The following AOAH variants were observed in gnomAD, a reference collection of about 807,000 sequenced individuals.
AOAH encodes acyloxyacyl hydrolase.
In AOAH, 64 loss-of-function variants were observed where a neutral mutation model predicts 92.2. That is an observed-to-expected ratio of 0.69 (90% CI 0.57 to 0.86). The LOEUF (loss-of-function observed/expected upper bound fraction) is 0.86, where lower values mean the gene tolerates loss of function less well. Ranked by LOEUF, AOAH falls within the 40% of genes least tolerant of loss-of-function variation. AOAH has a pLI of 0.00. For synonymous variants in AOAH, 263 were observed against 254.5 expected (o/e 1.03, Z -0.32); for missense variants, 656 against 694.6 (o/e 0.94, Z 0.62).
intron 4 of AOAH, among the ~76,000 whole-genome samples, chr7:36,648,424 T>C (rs1445754389): frequency 6.6e-6 from 1 of 152,128 alleles, no homozygotes; most frequent in African/African-American, 2.4e-5. Flanking sequence ...GACTTTTTTT[T>C]TCTTTTTGAT....
At chr7:36,639,907 TTG>T (rs1349163576) in intron 4 of AOAH, among the ~76,000 whole-genome samples, 1 of 152,186 alleles carries the variant, frequency 6.6e-6, no homozygotes, top group African/African-American at 2.4e-5. Context: ...CTGAATCCCT[TTG>T]AGAGAACCAA....
chr7:36,543,943 C>CT (rs1407764591), intron 15 of AOAH, among the ~76,000 whole-genome samples: 6,938 of 81,908 alleles, frequency 0.085, 365 homozygotes, highest in Non-Finnish European at 0.098. Flanking sequence ...TTCTTTCTTT[C>CT]TTTCTTTTTT....
intron 15 of AOAH, among the ~76,000 whole-genome samples, chr7:36,545,075 A>C (rs1310060835): frequency 3.3e-5 from 5 of 151,460 alleles, no homozygotes; most frequent in Non-Finnish European, 5.9e-5. Flanking sequence ...AAATAGAGAC[A>C]GGGTCTCGCT....
chr7:36,535,390 A>G (rs143559977), intron 16 of AOAH, among the ~76,000 whole-genome samples: 2 of 152,340 alleles, frequency 1.3e-5, no homozygotes, highest in African/African-American at 4.8e-5. Context: ...CTTAGTACCA[A>G]CAAAGATCAG....
At chr7:36,564,685 G>T (rs901106533) in intron 13 of AOAH, among the ~76,000 whole-genome samples, 6 of 152,228 alleles carry the variant, frequency 3.9e-5, no homozygotes, top group African/African-American at 1.4e-4. Flanking sequence ...CATTGCCAAT[G>T]ACATTAAAAA....
intron 1 of AOAH, among the ~76,000 whole-genome samples, chr7:36,697,075 G>A (rs1272563286): frequency 6.6e-6 from 1 of 152,026 alleles, no homozygotes; most frequent in East Asian, 1.9e-4. Flanking sequence ...TGAGTACAAT[G>A]TTGACTAGAA....
At chr7:36,607,955 G>A (rs538436191) in intron 11 of AOAH, among the ~76,000 whole-genome samples, 1 of 152,316 alleles carries the variant, frequency 6.6e-6, no homozygotes, top group Non-Finnish European at 1.5e-5. Context: ...TGCATTCTCT[G>A]CACTCCACTA....
At chr7:36,549,041 T>C (rs1786003632) in intron 14 of AOAH, among the ~76,000 whole-genome samples, 1 of 152,234 alleles carries the variant, frequency 6.6e-6, no homozygotes, top group African/African-American at 2.4e-5. Context: ...GTTCTTAGGA[T>C]AACCTGGCAG....
intron 2 of AOAH, among the ~76,000 whole-genome samples, chr7:36,682,340 C>T (rs899667711): frequency 3.0e-4 from 45 of 152,182 alleles, no homozygotes; most frequent in Middle Eastern, 3.2e-3. Flanking sequence ...GAAGAAGGAG[C>T]TCTGTGCATT....
At chr7:36,633,796 C>T (rs1197072407) in intron 5 of AOAH, among the ~76,000 whole-genome samples, 2 of 152,096 alleles carry the variant, frequency 1.3e-5, no homozygotes, top group African/African-American at 4.8e-5. Flanking sequence ...GATAAGAGAC[C>T]CCAAGGCCCT....
chr7:36,516,075 C>T lies in AOAH; in HGVS notation c.1600-2695G>A, dbSNP rs955715020. Among the ~76,000 whole-genome samples the T allele has an allele frequency of 9.5e-5, 14 of 147,456 alleles. No individual in the cohort carries two copies. Among genetic ancestry groups the T allele is most frequent in the South Asian group, 4.4e-4 (2 of 4,514 alleles). ...CACACCACACACTACACACACCACA[C>T]GCCACATACACACCATACACACACC... On this transcript the variant is annotated intron_variant, in intron 20 of 20. Transcript: ENST00000617537. The surrounding 1 kb of genome is among the most constrained non-coding windows in gnomAD (Gnocchi z 5.0).
At chr7:36,709,044 G>C (rs535102140) in intron 1 of AOAH, among the ~76,000 whole-genome samples, 1 of 152,034 alleles carries the variant, frequency 6.6e-6, no homozygotes, top group East Asian at 1.9e-4. Flanking sequence ...CACATGCATG[G>C]TTTCCCAATC....
intron 1 of AOAH, among the ~76,000 whole-genome samples, chr7:36,706,533 C>G (rs1386291470): frequency 6.6e-6 from 1 of 152,152 alleles, no homozygotes; most frequent in East Asian, 1.9e-4. Context: ...AAGTCACCAG[C>G]TGCATTAGTC....
At chr7:36,596,009 C>T (rs188367814) in intron 11 of AOAH, among the ~76,000 whole-genome samples, 7 of 152,314 alleles carry the variant, frequency 4.6e-5, no homozygotes, top group African/African-American at 1.7e-4. Context: ...ATGAAGATCC[C>T]TCTCCTAAGG....
At chr7:36,542,250 G>A (rs2116217092) in intron 15 of AOAH, among the ~76,000 whole-genome samples, 1 of 152,340 alleles carries the variant, frequency 6.6e-6, no homozygotes, top group East Asian at 1.9e-4. Flanking sequence ...GCCACCAGAA[G>A]TGGGAAGACA....
rs577736319 is a variant in AOAH at position 36,655,950 on chromosome 7, G to A, written c.390+3216C>T. On this transcript the variant is annotated intron_variant, in intron 4 of 20. Transcript: ENST00000617537. ...ATAAGAGGGCTATCTAATAGGGCCCGCCTCCCTGAAGAAGTGACATGTAAG... is the reference window on the plus strand; with the variant it reads ...ATAAGAGGGCTATCTAATAGGGCCCACCTCCCTGAAGAAGTGACATGTAAG... 5.3e-5 allele frequency among the ~76,000 whole-genome samples: 8 copies of A among 152,232 alleles called. No homozygotes were observed. The East Asian group carries it at 7.7e-4, about 15-fold the overall frequency.
chr7:36,573,592 C>T (rs964149595), intron 13 of AOAH, among the ~76,000 whole-genome samples: 3 of 152,246 alleles, frequency 2.0e-5, no homozygotes, highest in Middle Eastern at 3.4e-3. Flanking sequence ...GTGGCATGTG[C>T]CTGTAATCCC....
At chr7:36,604,981 C>T (rs1790897204) in intron 11 of AOAH, among the ~76,000 whole-genome samples, 1 of 152,200 alleles carries the variant, frequency 6.6e-6, no homozygotes, top group Non-Finnish European at 1.5e-5. Flanking sequence ...TCAATTTCTG[C>T]CTCTGGAATC....
At chr7:36,541,841 AT>A (rs1261321119) in intron 15 of AOAH, among the ~76,000 whole-genome samples, 5 of 152,224 alleles carry the variant, frequency 3.3e-5, no homozygotes, top group Admixed American at 2.6e-4. Context: ...ACAAATTTGG[AT>A]TCGGATCCTA....
Sources: gnomAD v4.1 joint callset for allele counts (sites outside exome capture counted in the v4.1 genomes callset) on GRCh38, gnomAD v4.1.1 for gene constraint, Gnocchi (gnomAD v3.1) non-coding constraint, MANE v1.5 for transcripts, NCBI Gene and HGNC (gene_info 2026-07-23, HGNC 2026-07-21) for gene names.